CA12: variants seen among roughly 807,000 people sequenced by gnomAD.
CA12 encodes carbonic anhydrase 12.
Under a neutral mutation model 46.8 loss-of-function variants are expected in CA12, and 36 were observed. That is an observed-to-expected ratio of 0.77 (90% confidence interval 0.59 to 1.02). The LOEUF is 1.02. Among genes scored for constraint, CA12 ranks in the 50% least tolerant of loss-of-function variants. CA12 has a pLI of 0.00. For synonymous variants in CA12, 202 were observed against 187.0 expected (o/e 1.08, Z -0.65); for missense variants, 436 against 451.4 (o/e 0.97, Z 0.31).
chr15:63,366,531 C>A (rs892655437), intron 2 of CA12, among the ~76,000 whole-genome samples: 1 of 152,208 alleles, frequency 6.6e-6, no homozygotes, highest in Non-Finnish European at 1.5e-5. Flanking sequence ...CAAGCCTTGT[C>A]AACCATTTCC....
rs1372965126 is a variant in CA12 at position 63,334,768 on chromosome 15, T to A, written c.874+4051A>T. Among the ~76,000 whole-genome samples the A allele has an allele frequency of 3.3e-5, 5 of 152,152 alleles. 1 individual carries two copies. The highest frequency in any genetic ancestry group is 7.4e-5 in the Non-Finnish European group (5 of 68,024). On this transcript the variant is annotated intron_variant, in intron 8 of 10. Coordinates refer to ENST00000178638, the MANE Select transcript of CA12 (RefSeq NM_001218.5). ...CACCCCTGATAAAGGATTTGTACAC[T>A]CCTAAGGGTGCACAGTTCTCTCTCA... is the stretch of plus-strand genomic sequence containing the variant.
intron 2 of CA12, among the ~76,000 whole-genome samples, chr15:63,362,904 G>A (rs1051032243): frequency 6.6e-6 from 1 of 152,172 alleles, no homozygotes; most frequent in African/African-American, 2.4e-5. Context: ...GGAAGGTCGA[G>A]GGCTTTGGAG....
intron 1 of CA12, among the ~76,000 whole-genome samples, chr15:63,377,823 C>T (rs1346457258): frequency 3.3e-5 from 5 of 152,198 alleles, no homozygotes; most frequent in African/African-American, 1.2e-4. Context: ...TGACATCCCA[C>T]CCTGGAAGAG....
At chr15:63,356,276 C>G (rs2039294605) in intron 2 of CA12, among the ~76,000 whole-genome samples, 2 of 152,212 alleles carry the variant, frequency 1.3e-5, no homozygotes, top group African/African-American at 4.8e-5. Context: ...GCCTGTAGTC[C>G]CAGCTACTCG....
At chr15:63,358,314 G>T (rs2039317809) in intron 2 of CA12, among the ~76,000 whole-genome samples, 1 of 152,180 alleles carries the variant, frequency 6.6e-6, no homozygotes, top group African/African-American at 2.4e-5. Flanking sequence ...TATTATTTGT[G>T]ACAAGCTCTT....
In CA12 at chr15:63,372,894, C is replaced by T. The variant is rs1301703729; in HGVS notation, c.106+2764G>A. ...GCTTACCCCATGCATGTCCATGCATCATTAGACTCTGCCCTCTGCTTCCTC... is the reference window on the plus strand; with the variant it reads ...GCTTACCCCATGCATGTCCATGCATTATTAGACTCTGCCCTCTGCTTCCTC... On this transcript the variant is annotated intron_variant, in intron 2 of 10. Coordinates refer to ENST00000178638, the MANE Select transcript of CA12 (RefSeq NM_001218.5). This position sits in a 1 kb window ranked among gnomAD's most constrained non-coding sequence, Gnocchi z 4.5. Among the ~76,000 whole-genome samples, 1 of 152,236 alleles carries T rather than the reference C, an allele frequency of 6.6e-6. No individual in the cohort carries two copies. Among genetic ancestry groups the T allele is most frequent in the Non-Finnish European group, 1.5e-5 (1 of 68,044 alleles).
Position 63,328,216 on chromosome 15 carries a change from T to A in CA12, c.875-86A>T. 7.9e-7 allele frequency: 1 copy of A among 1,263,626 alleles called. No homozygotes were observed. 78.3% of individuals were successfully genotyped at this position (1,263,626 alleles called of 1,614,324 possible). On this transcript the variant is annotated intron_variant, in intron 8 of 10. Transcript: ENST00000178638. This position sits in a 1 kb window ranked among gnomAD's most constrained non-coding sequence, Gnocchi z 5.9. ...AGCGTGTTGAGAGACGCTCTACCAT[T>A]TGTTTGGTCTTAGGCTGACAGACCT...
chr15:63,352,355 C>G lies in CA12; in HGVS notation c.107-5646G>C, dbSNP rs78409534. Among the ~76,000 whole-genome samples, 1,814 of 152,330 alleles carry G rather than the reference C, an allele frequency of 0.012. 84 individuals are homozygous for G. In the East Asian group the frequency reaches 0.14, roughly 12 times the overall value. On this transcript the variant is annotated intron_variant, in intron 2 of 10. Coordinates refer to ENST00000178638, the MANE Select transcript of CA12 (RefSeq NM_001218.5). ...TACAGGCGCGAGCCACCGCACCCAG[C>G]CTGTGTTTTTGTTTTTTATGAAGAG...
chr15:63,377,938 C>T (rs1028768961), intron 1 of CA12, among the ~76,000 whole-genome samples: 22 of 152,174 alleles, frequency 1.4e-4, no homozygotes, highest in African/African-American at 5.3e-4. Context: ...ATCATATTCC[C>T]ACTGGAAGGA....
intron 2 of CA12, among the ~76,000 whole-genome samples, chr15:63,358,704 G>C (rs916502034): frequency 3.3e-5 from 5 of 152,148 alleles, no homozygotes; most frequent in African/African-American, 4.8e-5. Context: ...CTGAGCTGTG[G>C]ACATCCAATG....
intron 2 of CA12, among the ~76,000 whole-genome samples, chr15:63,357,243 TC>T (rs1189089911): frequency 6.6e-6 from 1 of 152,206 alleles, no homozygotes; most frequent in African/African-American, 2.4e-5. Context: ...GAGGGCTTGT[TC>T]CCACACAGAC....
Position 63,373,502 on chromosome 15 carries a change from T to C in CA12, c.106+2156A>G, listed in dbSNP as rs2039532403. On this transcript the variant is annotated intron_variant, in intron 2 of 10. Coordinates refer to ENST00000178638, the MANE Select transcript of CA12 (RefSeq NM_001218.5). This position sits in a 1 kb window ranked among gnomAD's most constrained non-coding sequence, Gnocchi z 4.9. ...ATGTGATCTGTGTTTCTATCATACCTGAGAGGCCAGCAGAAGAGGTGGGGC... is the reference window on the plus strand; with the variant it reads ...ATGTGATCTGTGTTTCTATCATACCCGAGAGGCCAGCAGAAGAGGTGGGGC... Among the ~76,000 whole-genome samples the C allele has an allele frequency of 6.6e-6, 1 of 152,154 alleles. No individual in the cohort carries two copies. Among genetic ancestry groups the C allele is most frequent in the East Asian group, 1.9e-4 (1 of 5,198 alleles).
Position 63,377,175 on chromosome 15 carries a change from C to T in CA12, c.86-1497G>A, listed in dbSNP as rs138864834. On this transcript the variant is annotated intron_variant, in intron 1 of 10. Transcript: ENST00000178638. ...GCCTGCCGGCCTTCCTCTTCACCTC[C>T]GAGGAAGGGACCCTGAGTAGAGAAG... Among the ~76,000 whole-genome samples the T allele has an allele frequency of 7.1e-3, 1,087 of 152,264 alleles. 16 individuals carry two copies. Among genetic ancestry groups the T allele is most frequent in the African/African-American group, 0.024 (1,007 of 41,554 alleles).
At chr15:63,333,473 C>T (rs1322382689) in intron 8 of CA12, among the ~76,000 whole-genome samples, 3 of 152,206 alleles carry the variant, frequency 2.0e-5, no homozygotes, top group Non-Finnish European at 4.4e-5. Flanking sequence ...CACCTTGGAC[C>T]AATGCTCCTG....
At chr15:63,371,929 A>G (rs1406213374) in intron 2 of CA12, among the ~76,000 whole-genome samples, 2 of 152,048 alleles carry the variant, frequency 1.3e-5, no homozygotes, top group Admixed American at 1.3e-4. Context: ...CAGAGTAAGG[A>G]TGAATCTCCC....
intron 2 of CA12, among the ~76,000 whole-genome samples, chr15:63,363,656 A>T (rs576479575): frequency 6.6e-6 from 1 of 152,394 alleles, no homozygotes; most frequent in South Asian, 2.1e-4. Context: ...GACAAGTGAT[A>T]ATCAGCCTTT....
rs1485027925 is a variant in CA12, at chr15:63,373,054, G to A, written c.106+2604C>T. Among the ~76,000 whole-genome samples, 3 of 152,180 alleles carry A rather than the reference G, an allele frequency of 2.0e-5. No homozygotes were observed. Among genetic ancestry groups the A allele is most frequent in the Non-Finnish European group, 4.4e-5 (3 of 68,036 alleles). On this transcript the variant is annotated intron_variant, in intron 2 of 10. Coordinates refer to ENST00000178638, the MANE Select transcript of CA12 (RefSeq NM_001218.5). This position sits in a 1 kb window ranked among gnomAD's most constrained non-coding sequence, Gnocchi z 4.9. ...CCGCCCTTGGCGAACACCACGTCAT[G>A]ATGAAGAGGCAGTTAAGATTCTCTT...
rs1019556333 is a variant in CA12 at position 63,327,320 on chromosome 15, G to A, written c.908-87C>T. On this transcript the variant is annotated intron_variant, in intron 9 of 10. Transcript: ENST00000178638. This position sits in a 1 kb window ranked among gnomAD's most constrained non-coding sequence, Gnocchi z 4.5. ...CCCCCGGGTGTGAAATCATGGCCCA[G>A]CTGCATAATCATCCACAGAAAGGAA... The A allele has an allele frequency of 1.1e-5, 11 of 973,254 alleles. No individual in the cohort carries two copies. Among genetic ancestry groups the A allele is most frequent in the Non-Finnish European group, 1.6e-5 (10 of 619,002 alleles). The allele number at this position is 973,254 out of a possible 1,614,324, so 60.3% of individuals were successfully genotyped here. A position where few individuals can be genotyped will look rare whatever the true frequency, so the allele number is the denominator to read the frequency against.
chr15:63,326,462 C>T (rs1376417941), intron 10 of CA12, 105 bp from the exon 11 acceptor site: 2 of 870,344 alleles, frequency 2.3e-6, no homozygotes, highest in South Asian at 2.7e-5. Flanking sequence ...AGTTGGATTC[C>T]TCTCTTTGGG....
Sources: allele counts gnomAD v4.1 joint callset (sites outside exome capture counted in the v4.1 genomes callset), GRCh38; gene constraint gnomAD v4.1.1; non-coding constraint Gnocchi (gnomAD v3.1); transcripts MANE v1.5; gene names NCBI Gene and HGNC (gene_info 2026-07-23, HGNC 2026-07-21).